USH2A: variants seen among roughly 807,000 people sequenced by gnomAD.
USH2A encodes Usher syndrome 2A (autosomal recessive, mild).
USH2A carries 443 observed loss-of-function variants against 538.9 expected under a neutral mutation model. That is an observed-to-expected ratio of 0.82 (90% CI 0.76 to 0.89). The LOEUF is 0.89. USH2A is among the 40% of genes least tolerant of loss of function. The probability of loss-of-function intolerance (pLI) is 0.00; values close to 1 mark genes in which losing one functional copy is unlikely to be tolerated. For synonymous variants in USH2A, 2,413 were observed against 2,273.5 expected, an observed-to-expected ratio of 1.06 and a Z score of -1.75; for missense variants, 6,633 against 6,324.8, an observed-to-expected ratio of 1.05 and a Z score of -1.65.
At chr1:216,357,647 T>C (rs949581110) in intron 4 of USH2A, among the ~76,000 whole-genome samples, 3 of 152,182 alleles carry the variant, frequency 2.0e-5, no homozygotes, top group Non-Finnish European at 4.4e-5. Context: ...TGACCAATGA[T>C]CTTCTTAAGA....
At chr1:216,224,557 A>G (rs1305240993) in intron 14 of USH2A, among the ~76,000 whole-genome samples, 1 of 152,184 alleles carries the variant, frequency 6.6e-6, no homozygotes, top group Admixed American at 6.5e-5. Flanking sequence ...TAAACCACTT[A>G]GATGGAAACA....
At chr1:215,903,317 G>A (rs1457438276) in intron 38 of USH2A, among the ~76,000 whole-genome samples, 1 of 152,072 alleles carries the variant, frequency 6.6e-6, no homozygotes, top group Non-Finnish European at 1.5e-5. Context: ...AAGACAACGA[G>A]GGGGTAAAGG....
chr1:216,016,898 C>A lies in USH2A; in HGVS notation c.6326-16336G>T, dbSNP rs565916130. 3.3e-5 allele frequency among the ~76,000 whole-genome samples: 5 copies of A among 151,640 alleles called. No homozygotes were observed. In the East Asian group the frequency reaches 9.7e-4, roughly 30 times the overall value. ...GGCGGGGGTGGGAGGTAAGGGAGAA[C>A]CCTTATTGTCAGTTGTGATAGTGAA... On this transcript the variant is annotated intron_variant, in intron 32 of 71. Coordinates refer to ENST00000307340, the MANE Select transcript of USH2A (RefSeq NM_206933.4).
intron 3 of USH2A, among the ~76,000 whole-genome samples, chr1:216,405,188 TAA>T (rs1012638444): frequency 6.6e-6 from 1 of 151,704 alleles, no homozygotes; most frequent in African/African-American, 2.4e-5. Flanking sequence ...CAATATAAAA[TAA>T]AAAAAATCTT....
intron 45 of USH2A, 104 bp downstream of exon 45, chr1:215,845,720 A>G: frequency 8.0e-7 from 1 of 1,247,034 alleles, no homozygotes; most frequent in Non-Finnish European, 1.2e-6. Flanking sequence ...TCCCTCCCAC[A>G]CCGGAAATTT....
intron 22 of USH2A, among the ~76,000 whole-genome samples, chr1:216,090,200 GT>G (rs769594111): frequency 1.3e-5 from 2 of 151,610 alleles, no homozygotes; most frequent in Non-Finnish European, 2.9e-5. Flanking sequence ...TTGCTATGCT[GT>G]TTTTTTCAAA....
At chr1:215,900,481 A>G (rs1266992805) in intron 39 of USH2A, among the ~76,000 whole-genome samples, 1 of 152,194 alleles carries the variant, frequency 6.6e-6, no homozygotes, top group Non-Finnish European at 1.5e-5. Flanking sequence ...TTTGTTAGCG[A>G]CAGTTCAGAC....
At chr1:215,975,517 C>A (rs577630832) in intron 35 of USH2A, among the ~76,000 whole-genome samples, 7 of 151,984 alleles carry the variant, frequency 4.6e-5, no homozygotes, top group African/African-American at 1.4e-4. Flanking sequence ...AAGTAGGGGT[C>A]TGGTTTGCTG....
chr1:216,051,506 A>T (rs761190612), intron 30 of USH2A, among the ~76,000 whole-genome samples: 1 of 152,250 alleles, frequency 6.6e-6, no homozygotes, highest in Non-Finnish European at 1.5e-5. Context: ...TCTAAATAAG[A>T]TGACTTGCAT....
At chr1:216,400,872 C>T (rs1312975489) in intron 3 of USH2A, among the ~76,000 whole-genome samples, 1 of 152,070 alleles carries the variant, frequency 6.6e-6, no homozygotes, top group African/African-American at 2.4e-5. Context: ...AAAATCAAGA[C>T]ACTCTCAGAT....
rs193273278 is a variant in USH2A, at chr1:215,948,429, T to G, written c.7121-13634A>C. On this transcript the variant is annotated intron_variant, in intron 37 of 71. Transcript: ENST00000307340. ...TGTGTCCTTCATATTTGTTCAGATA[T>G]ATATATATATATATACACACACACA... Among the ~76,000 whole-genome samples the G allele has an allele frequency of 5.5e-3, 759 of 137,226 alleles. 6 individuals carry two copies. Among genetic ancestry groups the G allele is most frequent in the African/African-American group, 0.019 (706 of 36,380 alleles). The allele number at this position is 137,226 out of a possible 152,430, so 90.0% of individuals were successfully genotyped here. A position where few individuals can be genotyped will look rare whatever the true frequency, so the allele number is the denominator to read the frequency against.
At chr1:215,727,989 C>T (rs1659876897) in intron 61 of USH2A, 41 bp downstream of exon 61, 2 of 1,591,792 alleles carry the variant, frequency 1.3e-6, no homozygotes, top group Non-Finnish European at 1.7e-6. Flanking sequence ...ACGTATTCAC[C>T]AGATAATCTG....
intron 64 of USH2A, among the ~76,000 whole-genome samples, chr1:215,667,135 A>G (rs2102657889): frequency 6.6e-6 from 1 of 152,116 alleles, no homozygotes; most frequent in African/African-American, 2.4e-5. Flanking sequence ...TTCCCATTCC[A>G]CCCAGGAGTC....
At position 215,693,092 on chromosome 1, in the gene USH2A, A is replaced by ATATGTGTGTG. The variant is rs371000210; in HGVS notation, c.12067-12717_12067-12716insCACACACATA. On this transcript the variant is annotated intron_variant, in intron 61 of 71. Coordinates refer to ENST00000307340, the MANE Select transcript of USH2A (RefSeq NM_206933.4). ...TTTGTGTGTGTATATATATATATAT[A>ATATGTGTGTG]TGTGTGTGTGTGTGTGTGTATGTGT... Among the ~76,000 whole-genome samples the ATATGTGTGTG allele has an allele frequency of 9.7e-3, 1,270 of 131,580 alleles. 23 individuals carry two copies. The highest frequency in any genetic ancestry group is 0.089 in the East Asian group (386 of 4,332). The allele number at this position is 131,580 out of a possible 152,430, so 86.3% of individuals were successfully genotyped here.
intron 11 of USH2A, among the ~76,000 whole-genome samples, chr1:216,281,912 G>A (rs1478589721): frequency 1.4e-5 from 2 of 141,412 alleles, no homozygotes; most frequent in East Asian, 4.2e-4. Context: ...CCACTGGTTG[G>A]GAAGTGGGCT....
At chr1:215,912,388 T>C (rs557710929) in intron 38 of USH2A, among the ~76,000 whole-genome samples, 6 of 150,988 alleles carry the variant, frequency 4.0e-5, no homozygotes, top group Admixed American at 2.0e-4. Context: ...TGGTGAGAGA[T>C]AGGGGTCTAA....
At chr1:216,156,284 C>CTTTTTTTTTCTTTTTTTT (rs2033935272) in intron 21 of USH2A, among the ~76,000 whole-genome samples, 3 of 102,588 alleles carry the variant, frequency 2.9e-5, no homozygotes, top group African/African-American at 1.2e-4. Flanking sequence ...TTCTTTCTTT[C>CTTTTTTTTTCTTTTTTTT]TTTTTTTTTT....
At chr1:216,394,434 T>A (rs372898768) in intron 3 of USH2A, among the ~76,000 whole-genome samples, 2 of 152,326 alleles carry the variant, frequency 1.3e-5, no homozygotes, top group African/African-American at 4.8e-5. Flanking sequence ...AGAACTCTTC[T>A]GTGTATTGGT....
At chr1:215,787,365 T>C (rs1661830816) in intron 51 of USH2A, among the ~76,000 whole-genome samples, 1 of 152,204 alleles carries the variant, frequency 6.6e-6, no homozygotes. Context: ...ACACTTCCTG[T>C]GTTGTTGGGG....
Sources: allele counts gnomAD v4.1 joint callset (sites outside exome capture counted in the v4.1 genomes callset), GRCh38; gene constraint gnomAD v4.1.1; transcripts MANE v1.5; gene names NCBI Gene and HGNC (gene_info 2026-07-23, HGNC 2026-07-21).